Variants in ABCC8 observed in about 807,000 individuals in gnomAD.
The protein encoded by ABCC8 is ATP-binding cassette sub-family C member 8.
In ABCC8, 137 loss-of-function variants were observed where a neutral mutation model predicts 188.0. The ratio of observed to expected loss-of-function variants is 0.73; its 90% CI spans 0.63 to 0.84. The LOEUF is 0.84. Ranked by LOEUF, ABCC8 falls within the 40% of genes least tolerant of loss-of-function variation. The probability of loss-of-function intolerance (pLI) is 0.00; values close to 1 mark genes in which losing one functional copy is unlikely to be tolerated. For missense variants in ABCC8, 1,750 were observed against 2,072.7 expected, an observed-to-expected ratio of 0.84 and a Z score of 3.02; for synonymous variants, 797 against 846.5, an observed-to-expected ratio of 0.94 and a Z score of 1.01.
rs985651912 is a variant in ABCC8 at position 17,404,326 on chromosome 11, G to A, written c.3557+186C>T. 2.6e-5 allele frequency among the ~76,000 whole-genome samples: 4 copies of A among 152,332 alleles called. No individual in the cohort carries two copies. Among genetic ancestry groups the A allele is most frequent in the African/African-American group, 9.6e-5 (4 of 41,562 alleles). ...GATGTCAACCTCAGTGTGTGCGTGT[G>A]TTGGCAGACTATTATATTAGGGCGG... On this transcript the variant is annotated intron_variant, in intron 28 of 38. Coordinates refer to ENST00000389817, the MANE Select transcript of ABCC8 (RefSeq NM_000352.6). This position sits in a 1 kb window ranked among gnomAD's most constrained non-coding sequence, Gnocchi z 4.7.
chr11:17,432,319 G>A, intron 10 of ABCC8, 75 bp from the exon 11 acceptor site: 1 of 1,551,280 alleles, frequency 6.4e-7, no homozygotes. Flanking sequence ...AGGATGGCTT[G>A]GAGGCAGCGC....
intron 27 of ABCC8, 30 bp downstream of exon 27, chr11:17,405,464 G>C (rs199871841): frequency 6.2e-7 from 1 of 1,613,994 alleles, no homozygotes; most frequent in Admixed American, 1.7e-5. Context: ...GTCTCTGGAA[G>C]GGGGGATAGT....
At chr11:17,406,420 G>A (rs1954526113) in intron 26 of ABCC8, 1 of 609,688 alleles carries the variant, frequency 1.6e-6, no homozygotes, top group Non-Finnish European at 2.9e-6. Flanking sequence ...CACACACAAT[G>A]CCTATCACAG....
chr11:17,414,438 G>A (rs1591764454), intron 19 of ABCC8, 74 bp downstream of exon 19: 1 of 1,579,832 alleles, frequency 6.3e-7, no homozygotes, highest in Non-Finnish European at 8.7e-7. Context: ...CGATGGAGGG[G>A]CCCGGAACTG....
Position 17,395,251 on chromosome 11 carries a change from C to A in ABCC8, c.4332G>T (p.Lys1444Asn), listed in dbSNP as rs1386026998. The A allele has an allele frequency of 1.9e-6, 3 of 1,597,108 alleles. No homozygotes were observed. Among genetic ancestry groups the A allele is most frequent in the Non-Finnish European group, 2.6e-6 (3 of 1,170,584 alleles). The part of the protein sequence containing the change: ...TIRFNLDPER[K>N]CSDSTLWEAL... ...CCTCCCACAGTGTGCTATCTGAGCACTTCCTCTCAGGGTCCAGGTTAAATC... is the reference window on the plus strand; with the variant it reads ...CCTCCCACAGTGTGCTATCTGAGCAATTCCTCTCAGGGTCCAGGTTAAATC... The change falls in exon 36 of 39, where the codon AAG (lysine) becomes AAT (asparagine). Residue 1444 changes from lysine (K) to asparagine (N), a missense_variant. Lys to Asn is a moderately conservative substitution (Grantham distance 94, BLOSUM62 0). Transcript: ENST00000389817.
At chr11:17,416,363 C>T (rs1207776035) in intron 17 of ABCC8, among the ~76,000 whole-genome samples, 4 of 152,116 alleles carry the variant, frequency 2.6e-5, no homozygotes, top group Non-Finnish European at 5.9e-5. Flanking sequence ...TCTGCCTGGC[C>T]TGAGGGACAC....
intron 19 of ABCC8, among the ~76,000 whole-genome samples, chr11:17,413,800 G>A (rs1005088940): frequency 2.6e-5 from 4 of 152,178 alleles, no homozygotes; most frequent in African/African-American, 9.7e-5. Flanking sequence ...GGCACTGCAG[G>A]GAAAACCACT....
intron 2 of ABCC8, among the ~76,000 whole-genome samples, chr11:17,473,512 A>T (rs1027140056): frequency 1.1e-4 from 17 of 152,118 alleles, no homozygotes; most frequent in African/African-American, 3.9e-4. Context: ...GCACTGCAGG[A>T]GTGCAGTCTG....
chr11:17,438,395 G>A (rs780800678), intron 10 of ABCC8, among the ~76,000 whole-genome samples: 5 of 150,776 alleles, frequency 3.3e-5, no homozygotes, highest in African/African-American at 4.9e-5. Context: ...CACTATTCAT[G>A]GGCATGATCA....
chr11:17,439,802 C>T (rs1591825849), intron 10 of ABCC8, among the ~76,000 whole-genome samples: 2 of 152,128 alleles, frequency 1.3e-5, no homozygotes, highest in East Asian at 3.9e-4. Flanking sequence ...CCTGGGCGGG[C>T]TCCTGCTTGG....
At chr11:17,417,027 G>T (rs1236280165) in intron 16 of ABCC8, 65 bp from the exon 17 acceptor site, 2 of 1,609,596 alleles carry the variant, frequency 1.2e-6, no homozygotes, top group Admixed American at 1.7e-5. Flanking sequence ...TTTCCATCAC[G>T]CTGAGTCTTA....
intron 3 of ABCC8, among the ~76,000 whole-genome samples, chr11:17,469,845 A>G (rs1848380485): frequency 6.6e-6 from 1 of 150,970 alleles, no homozygotes; most frequent in African/African-American, 2.4e-5. Context: ...CAACATTGTC[A>G]TTGCCCCTAC....
chr11:17,426,766 T>C (rs552377198), intron 16 of ABCC8, among the ~76,000 whole-genome samples: 1 of 152,306 alleles, frequency 6.6e-6, no homozygotes, highest in East Asian at 1.9e-4. Flanking sequence ...GGACAAATAG[T>C]TTAACCTTCC....
chr11:17,430,632 G>T (rs983590473), intron 12 of ABCC8, 182 bp downstream of exon 12: 1 of 749,914 alleles, frequency 1.3e-6, no homozygotes, highest in East Asian at 2.5e-5. Flanking sequence ...GCTCAGGGAT[G>T]GCGAGCTGGG....
chr11:17,430,827 T>TGAC lies in ABCC8; in HGVS notation c.1801_1803dup (p.Val601dup). The TGAC allele has an allele frequency of 1.2e-6, 2 of 1,614,188 alleles. No homozygotes were observed. Among genetic ancestry groups the TGAC allele is most frequent in the Non-Finnish European group, 1.7e-6 (2 of 1,180,028 alleles). ...CCCTCCCCTCACCTCACTAGAGCTT[T>TGAC]GACGGTAGATCGGACCACACTGGAC... is the stretch of plus-strand genomic sequence containing the variant. On this transcript the variant is annotated inframe_insertion, in exon 12 of 39. Coordinates refer to ENST00000389817, the MANE Select transcript of ABCC8 (RefSeq NM_000352.6).
rs763159607 is a variant in ABCC8, at chr11:17,476,625, T to A, written c.148+4A>T. 3.7e-6 allele frequency: 6 copies of A among 1,611,166 alleles called. No individual in the cohort carries two copies. The highest frequency in any genetic ancestry group is 4.2e-6 in the Non-Finnish European group (5 of 1,178,900). On this transcript the variant is annotated splice_donor_region_variant and intron_variant, in intron 1 of 38. Transcript: ENST00000389817. ...CTCCTCCGCGGCTCGCTGCGCGCAC[T>A]CACCAATGAAGAGGATGGGGAAGGT...
At chr11:17,432,496 G>A (rs1247329071) in intron 10 of ABCC8, 2 of 705,988 alleles carry the variant, frequency 2.8e-6, no homozygotes, top group African/African-American at 1.8e-5. Context: ...GTGTGGACAG[G>A]GTGAAGTTAG....
chr11:17,392,755 G>C, downstream of ABCC8: 1 of 582,124 alleles, frequency 1.7e-6, no homozygotes, highest in Non-Finnish European at 3.1e-6. Flanking sequence ...CTGACTAATA[G>C]AGGCCTCATT....
intron 21 of ABCC8, 33 bp downstream of exon 21, chr11:17,412,633 A>G: frequency 6.3e-7 from 1 of 1,598,274 alleles, no homozygotes; most frequent in Non-Finnish European, 8.5e-7. Flanking sequence ...GGAGGCAGCC[A>G]GAGACCAGGA....
Sources: gnomAD v4.1 joint callset for allele counts (sites outside exome capture counted in the v4.1 genomes callset) on GRCh38, gnomAD v4.1.1 for gene constraint, Gnocchi (gnomAD v3.1) non-coding constraint, MANE v1.5 for transcripts, NCBI Gene and HGNC (gene_info 2026-07-23, HGNC 2026-07-21) for gene names.